Variants in KCNK2 observed in about 807,000 individuals in gnomAD.
KCNK2 encodes the protein potassium two pore domain channel subfamily K member 2.
Under a neutral mutation model 40.5 loss-of-function variants are expected in KCNK2, and 21 were observed. That is an observed-to-expected ratio of 0.52 (90% CI 0.37 to 0.75). The LOEUF is 0.75. Among genes scored for constraint, KCNK2 ranks in the 30% least tolerant of loss-of-function variants. The pLI, the probability that KCNK2 is intolerant of heterozygous loss-of-function variation, is 0.00. For synonymous variants in KCNK2, 191 were observed against 202.2 expected (o/e 0.94, Z 0.47); for missense variants, 399 against 531.6 (o/e 0.75, Z 2.45).
chr1:215,135,108 T>G (rs1571651377), intron 3 of KCNK2, among the ~76,000 whole-genome samples: 2 of 152,264 alleles, frequency 1.3e-5, no homozygotes, highest in Non-Finnish European at 2.9e-5. Context: ...ACAACTAAAA[T>G]CATGTGCTGT....
rs777377008 is a variant in KCNK2, at chr1:215,083,321, C to A, written c.-65C>A. 1 of 1,612,380 alleles carries A rather than the reference C, an allele frequency of 6.2e-7. No individual in the cohort carries two copies. Among genetic ancestry groups the A allele is most frequent in the Non-Finnish European group, 8.5e-7 (1 of 1,179,072 alleles). Reference sequence around the variant, plus strand: ...TCTGAATAAGAAGTGAGTACAATGGCGTGTTTGTAAAAAAAAGCTTCAAGT... The same window carrying A: ...TCTGAATAAGAAGTGAGTACAATGGAGTGTTTGTAAAAAAAAGCTTCAAGT... On this transcript the variant is annotated 5_prime_UTR_variant, in exon 1 of 7. Transcript: ENST00000444842.
chr1:215,112,815 A>G (rs1340543346), intron 2 of KCNK2, among the ~76,000 whole-genome samples: 1 of 152,186 alleles, frequency 6.6e-6, no homozygotes, highest in African/African-American at 2.4e-5. Context: ...AGGCTATACC[A>G]TATAGCCTAG....
intron 1 of KCNK2, among the ~76,000 whole-genome samples, chr1:215,019,026 T>G (rs1364407163): frequency 6.6e-6 from 1 of 152,036 alleles, no homozygotes; most frequent in Non-Finnish European, 1.5e-5. Flanking sequence ...AGAAAGACCC[T>G]TTGCTCTCTG....
In KCNK2 at chr1:215,145,115, A is replaced by G. The variant is rs959114129; in HGVS notation, c.475+20365A>G. Among the ~76,000 whole-genome samples, 4 of 152,150 alleles carry G rather than the reference A, an allele frequency of 2.6e-5. No individual in the cohort carries two copies. The South Asian group carries it at 8.3e-4, about 31-fold the overall frequency. On this transcript the variant is annotated intron_variant, in intron 3 of 6. Coordinates refer to ENST00000444842, the MANE Select transcript of KCNK2 (RefSeq NM_001017425.3). ...TGCTATCATCATTAGCATCATCATCATTGCCACCATTATTTTTTATTGACA... is the reference window on the plus strand; with the variant it reads ...TGCTATCATCATTAGCATCATCATCGTTGCCACCATTATTTTTTATTGACA...
chr1:215,169,835 G>A (rs1445946836), intron 4 of KCNK2, among the ~76,000 whole-genome samples: 3 of 151,906 alleles, frequency 2.0e-5, no homozygotes, highest in South Asian at 4.2e-4. Flanking sequence ...TAGTAGAGAT[G>A]GGGTTTCACC....
intron 3 of KCNK2, among the ~76,000 whole-genome samples, chr1:215,136,408 A>G (rs960926908): frequency 2.6e-5 from 4 of 152,178 alleles, no homozygotes; most frequent in Non-Finnish European, 5.9e-5. Context: ...TCAAAATAGC[A>G]TATAATGTTA....
At chr1:215,027,473 A>G (rs1243432032) in intron 1 of KCNK2, among the ~76,000 whole-genome samples, 3 of 152,164 alleles carry the variant, frequency 2.0e-5, no homozygotes, top group Non-Finnish European at 2.9e-5. Context: ...TGTCCCTCCA[A>G]CATCTATTAA....
At chr1:215,076,839 G>T (rs1313895680) in intron 1 of KCNK2, among the ~76,000 whole-genome samples, 4 of 152,262 alleles carry the variant, frequency 2.6e-5, no homozygotes, top group South Asian at 4.1e-4. Flanking sequence ...TTCTTGCATT[G>T]CAATGTTTCA....
chr1:215,159,134 T>C (rs1456803505), intron 3 of KCNK2, among the ~76,000 whole-genome samples: 1 of 152,196 alleles, frequency 6.6e-6, no homozygotes, highest in Non-Finnish European at 1.5e-5. Flanking sequence ...TATTTGTGCA[T>C]GTTGCTCTGC....
intron 5 of KCNK2, among the ~76,000 whole-genome samples, chr1:215,185,331 G>A (rs1359532590): frequency 3.3e-5 from 5 of 152,028 alleles, no homozygotes; most frequent in African/African-American, 1.2e-4. Flanking sequence ...ATGATACCCT[G>A]TTTCTAGTAC....
At chr1:215,189,781 C>T (rs1240171119) in intron 5 of KCNK2, among the ~76,000 whole-genome samples, 1 of 152,072 alleles carries the variant, frequency 6.6e-6, no homozygotes, top group Non-Finnish European at 1.5e-5. Flanking sequence ...ACACCTTATT[C>T]AGTAAAATTA....
In KCNK2 at chr1:215,236,045, A is replaced by ATCTATCTATCATCT. The variant is rs1666868480; in HGVS notation, c.*900_*901insTCTATCTATCATCT. On this transcript the variant is annotated 3_prime_UTR_variant, in exon 7 of 7. Coordinates refer to ENST00000444842, the MANE Select transcript of KCNK2 (RefSeq NM_001017425.3). ...TACATTTTTAAAGGCAGAAGAAGAAAATCTATCTATCTATCTATCTATCTA... is the reference window on the plus strand; with the variant it reads ...TACATTTTTAAAGGCAGAAGAAGAAATCTATCTATCATCTATCTATCTATCTATCTATCTATCTA... 2.1e-5 allele frequency: 3 copies of ATCTATCTATCATCT among 144,302 alleles called. No homozygotes were observed. The highest frequency in any genetic ancestry group is 2.0e-4 in the East Asian group (1 of 4,968). The allele number at this position is 144,302 out of a possible 1,614,324, so 8.9% of individuals were successfully genotyped here. A position where few individuals can be genotyped will look rare whatever the true frequency, so the allele number is the denominator to read the frequency against.
intron 1 of KCNK2, among the ~76,000 whole-genome samples, chr1:215,066,376 C>A (rs1198082811): frequency 6.6e-6 from 1 of 152,086 alleles, no homozygotes; most frequent in Non-Finnish European, 1.5e-5. Flanking sequence ...ACCAAATTTA[C>A]CCCTGTATTC....
At chr1:215,226,373 T>C (rs1666384903) in intron 6 of KCNK2, among the ~76,000 whole-genome samples, 1 of 152,238 alleles carries the variant, frequency 6.6e-6, no homozygotes, top group Non-Finnish European at 1.5e-5. Flanking sequence ...GTCCGCAAGC[T>C]GGAGCGCAGT....
intron 1 of KCNK2, among the ~76,000 whole-genome samples, chr1:215,037,561 T>G (rs1173814694): frequency 1.3e-5 from 2 of 152,042 alleles, no homozygotes; most frequent in African/African-American, 4.8e-5. Context: ...TTAAATATGT[T>G]AAAATTCCTT....
intron 3 of KCNK2, among the ~76,000 whole-genome samples, chr1:215,132,547 G>T (rs1314053325): frequency 6.6e-6 from 1 of 152,082 alleles, no homozygotes; most frequent in African/African-American, 2.4e-5. Flanking sequence ...ATGCAAGCTC[G>T]TGAAAGTAGA....
At chr1:215,125,877 C>A (rs11120500) in intron 3 of KCNK2, among the ~76,000 whole-genome samples, 115,242 of 149,694 alleles carry the variant, frequency 0.77, 44,613 homozygotes, top group Non-Finnish European at 0.79. Flanking sequence ...AGATGCATTT[C>A]AAGCATATTT....
intron 1 of KCNK2, among the ~76,000 whole-genome samples, chr1:215,085,228 TG>T (rs1431051607): frequency 6.6e-6 from 1 of 152,238 alleles, no homozygotes; most frequent in African/African-American, 2.4e-5. Flanking sequence ...GCAAGTTTAC[TG>T]AAATCTGTAG....
chr1:215,217,666 C>T lies in KCNK2; in HGVS notation c.964-17162C>T, dbSNP rs543452551. The stretch of plus-strand genomic sequence containing the variant: ...TTTCCCAGGAAAAAGAAATCTGTCA[C>T]TTCTTGGAATAGAATTTCCAATATG... On this transcript the variant is annotated intron_variant, in intron 6 of 6. Coordinates refer to ENST00000444842, the MANE Select transcript of KCNK2 (RefSeq NM_001017425.3). Among the ~76,000 whole-genome samples, 4 of 152,252 alleles carry T rather than the reference C, an allele frequency of 2.6e-5. No individual in the cohort carries two copies. The South Asian group carries it at 6.2e-4, about 24-fold the overall frequency.
Sources: gnomAD v4.1 joint callset for allele counts (sites outside exome capture counted in the v4.1 genomes callset) on GRCh38, gnomAD v4.1.1 for gene constraint, MANE v1.5 for transcripts, NCBI Gene and HGNC (gene_info 2026-07-23, HGNC 2026-07-21) for gene names.